Variants in HIVEP3 observed in about 807,000 individuals in gnomAD.
The protein encoded by HIVEP3 is transcription factor HIVEP3.
In HIVEP3, 49 loss-of-function variants were observed where a neutral mutation model predicts 152.8. The observed-to-expected ratio is 0.32, with a 90% CI of 0.26 to 0.41. The LOEUF (loss-of-function observed/expected upper bound fraction) is 0.41. Among genes scored for constraint, HIVEP3 ranks in the 10% least tolerant of loss-of-function variants. The probability of loss-of-function intolerance (pLI) is 1.00; values close to 1 mark genes in which losing one functional copy is unlikely to be tolerated. For synonymous variants in HIVEP3, 1,269 were observed against 1,289.0 expected (o/e 0.98, Z 0.33); for missense variants, 2,790 against 3,103.3 (o/e 0.90, Z 2.40).
chr1:41,973,121 A>C (rs1163532085), intron 1 of HIVEP3, among the ~76,000 whole-genome samples: 1 of 152,072 alleles, frequency 6.6e-6, no homozygotes, highest in Non-Finnish European at 1.5e-5. Context: ...AATAGCATGG[A>C]ATTTGGTTCT....
In HIVEP3 at chr1:41,784,429, C is replaced by T. The variant is rs115063082; in HGVS notation, c.-800-83434G>A. Among the ~76,000 whole-genome samples the T allele has an allele frequency of 6.0e-3, 907 of 152,246 alleles. 8 individuals carry two copies. The highest frequency in any genetic ancestry group is 0.02 in the African/African-American group (836 of 41,532). On this transcript the variant is annotated intron_variant, in intron 1 of 8. Transcript: ENST00000372583. ...GCTTTTTTAAATGTGGCTACCAGAA[C>T]ATTTAAAATCACACGTGTGGTTCAC...
At chr1:41,981,406 G>A (rs7535334) in intron 1 of HIVEP3, among the ~76,000 whole-genome samples, 1 of 152,154 alleles carries the variant, frequency 6.6e-6, no homozygotes, top group East Asian at 1.9e-4. Flanking sequence ...ACATTTGGAG[G>A]AGCCGGCTCC....
At chr1:41,779,357 A>T (rs1648900895) in intron 1 of HIVEP3, among the ~76,000 whole-genome samples, 1 of 152,244 alleles carries the variant, frequency 6.6e-6, no homozygotes, top group South Asian at 2.1e-4. Context: ...AGTTTTCTCA[A>T]CTGGAAATGA....
In HIVEP3 at chr1:41,844,698, T is replaced by C. The variant is rs546902792; in HGVS notation, c.-801+73715A>G. Among the ~76,000 whole-genome samples, 22 of 152,356 alleles carry C rather than the reference T, an allele frequency of 1.4e-4. No individual in the cohort carries two copies. The South Asian group carries it at 3.1e-3, about 22-fold the overall frequency. ...ATCTAGGACCTTCAAGTCTCAATCT[T>C]AGTCCACCCTCTACAACAATGTTCC... On this transcript the variant is annotated intron_variant, in intron 1 of 8. Coordinates refer to ENST00000372583, the MANE Select transcript of HIVEP3 (RefSeq NM_024503.5).
intron 1 of HIVEP3, among the ~76,000 whole-genome samples, chr1:41,946,111 T>C (rs965642452): frequency 3.9e-5 from 6 of 152,146 alleles, no homozygotes; most frequent in Admixed American, 1.3e-4. Context: ...GCTGGGCAAA[T>C]TGAATGCCTA....
intron 1 of HIVEP3, among the ~76,000 whole-genome samples, chr1:41,884,740 C>A (rs1317174438): frequency 1.3e-5 from 2 of 152,194 alleles, no homozygotes; most frequent in African/African-American, 4.8e-5. Context: ...TCCTTGCCAA[C>A]CTCAGGCTCC....
intron 1 of HIVEP3, among the ~76,000 whole-genome samples, chr1:41,714,379 C>A (rs1646559331): frequency 6.6e-6 from 1 of 152,200 alleles, no homozygotes; most frequent in African/African-American, 2.4e-5. Flanking sequence ...TACCATGCCA[C>A]CTTCGCCTCC....
At chr1:41,889,767 C>T (rs1644418160) in intron 1 of HIVEP3, among the ~76,000 whole-genome samples, 1 of 152,176 alleles carries the variant, frequency 6.6e-6, no homozygotes, top group Non-Finnish European at 1.5e-5. Context: ...GAATAACGGA[C>T]TCTGATTACC....
In HIVEP3 at chr1:41,581,333, C is replaced by A; in HGVS notation, c.3465G>T (p.Glu1155Asp). Residue 1155 changes from glutamate to aspartate, a missense_variant, in exon 4 of 9, where the codon GAG becomes GAT. Glu to Asp is a conservative substitution (Grantham distance 45). Transcript: ENST00000372583. The surrounding 1 kb of genome is among the most constrained non-coding windows in gnomAD (Gnocchi z 4.5). ...AGAAGAATTCTGGAGACTGTCCTGG[C>A]TCATGCTGCACGAGATGCTGGAAGG... ...LFSFQHLVQH[E>D]PGQSPEFFST... 6.2e-7 allele frequency: 1 copy of A among 1,613,720 alleles called. No individual in the cohort carries two copies. The highest frequency in any genetic ancestry group is 8.5e-7 in the Non-Finnish European group (1 of 1,179,866).
chr1:41,845,020 T>C (rs1387429821), intron 1 of HIVEP3, among the ~76,000 whole-genome samples: 2 of 152,168 alleles, frequency 1.3e-5, no homozygotes, highest in Non-Finnish European at 2.9e-5. Flanking sequence ...CTTCCCTCTG[T>C]GGGAGCTCCA....
In HIVEP3 at chr1:41,858,794, G is replaced by A. The variant is rs140941999; in HGVS notation, c.-801+59619C>T. On this transcript the variant is annotated intron_variant, in intron 1 of 8. Transcript: ENST00000372583. ...TCTACAGGGGTAAGAGGGAAGTCACGATGGACCAGACCAGCAGCTCAGCAA... is the reference window on the plus strand; with the variant it reads ...TCTACAGGGGTAAGAGGGAAGTCACAATGGACCAGACCAGCAGCTCAGCAA... Among the ~76,000 whole-genome samples the A allele has an allele frequency of 9.8e-5, 15 of 152,332 alleles. No homozygotes were observed. The East Asian group carries it at 1.2e-3, about 12-fold the overall frequency.
At chr1:41,835,470 C>G (rs1051643971) in intron 1 of HIVEP3, among the ~76,000 whole-genome samples, 1 of 152,202 alleles carries the variant, frequency 6.6e-6, no homozygotes, top group South Asian at 2.1e-4. Context: ...CCTTATTTAA[C>G]TCAATATCCA....
At position 41,746,218 on chromosome 1, in the gene HIVEP3, T is replaced by C. The variant is rs115770365; in HGVS notation, c.-800-45223A>G. Among the ~76,000 whole-genome samples, 1,268 of 152,342 alleles carry C rather than the reference T, an allele frequency of 8.3e-3. 8 individuals are homozygous for C. Among genetic ancestry groups the C allele is most frequent in the African/African-American group, 0.029 (1,208 of 41,582 alleles). Reference sequence around the variant, plus strand: ...ATTTAGAGAAAAAAAAATCTTGCCATAATAATGGGTACCAAATGACTGGGT... The same window carrying C: ...ATTTAGAGAAAAAAAAATCTTGCCACAATAATGGGTACCAAATGACTGGGT... On this transcript the variant is annotated intron_variant, in intron 1 of 8. Coordinates refer to ENST00000372583, the MANE Select transcript of HIVEP3 (RefSeq NM_024503.5).
chr1:42,020,313 C>T (rs925184905), intron 1 of HIVEP3, among the ~76,000 whole-genome samples: 1 of 151,984 alleles, frequency 6.6e-6, no homozygotes, highest in African/African-American at 2.4e-5. Flanking sequence ...ACCGGAAAAG[C>T]CATCTGCCCC....
chr1:41,634,392 A>G (rs1037285072), intron 2 of HIVEP3, among the ~76,000 whole-genome samples: 16 of 152,162 alleles, frequency 1.1e-4, no homozygotes, highest in African/African-American at 3.9e-4. Flanking sequence ...CTTTTAAACC[A>G]CTGTGTGGGG....
intron 1 of HIVEP3, among the ~76,000 whole-genome samples, chr1:41,719,966 A>G (rs1646651698): frequency 6.6e-6 from 1 of 152,238 alleles, no homozygotes; most frequent in South Asian, 2.1e-4. Flanking sequence ...GCACAGGCCA[A>G]GAACAGAAGC....
intron 1 of HIVEP3, among the ~76,000 whole-genome samples, chr1:41,810,127 T>C (rs1211939716): frequency 6.6e-6 from 1 of 152,130 alleles, no homozygotes; most frequent in African/African-American, 2.4e-5. Context: ...TCACCCTCCA[T>C]CTCACAGATA....
intron 7 of HIVEP3, among the ~76,000 whole-genome samples, chr1:41,516,236 A>T (rs1642602447): frequency 1.1e-5 from 1 of 88,116 alleles, no homozygotes; most frequent in African/African-American, 3.5e-5. Flanking sequence ...AGAGAGCTTG[A>T]GCGCGCGGCG....
chr1:41,647,175 G>T (rs1038634323), intron 2 of HIVEP3, among the ~76,000 whole-genome samples: 1 of 152,132 alleles, frequency 6.6e-6, no homozygotes, highest in Admixed American at 6.5e-5. Context: ...CCTCCCCTTT[G>T]CCCTGGAACC....
Sources: allele counts gnomAD v4.1 joint callset (sites outside exome capture counted in the v4.1 genomes callset), GRCh38; gene constraint gnomAD v4.1.1; non-coding constraint Gnocchi (gnomAD v3.1); transcripts MANE v1.5; gene names NCBI Gene and HGNC (gene_info 2026-07-23, HGNC 2026-07-21).